Variants in FER observed in about 807,000 individuals in gnomAD.
FER encodes FER tyrosine kinase.
Under a neutral mutation model 111.0 loss-of-function variants are expected in FER, and 63 were observed. That is an observed-to-expected ratio of 0.57 (90% CI 0.46 to 0.70). The LOEUF (loss-of-function observed/expected upper bound fraction) is 0.70. FER is among the 30% of genes least tolerant of loss of function. The probability of loss-of-function intolerance (pLI) is 0.00; values close to 1 mark genes in which losing one functional copy is unlikely to be tolerated. For synonymous variants in FER, 327 were observed against 313.9 expected (o/e 1.04, Z -0.44); for missense variants, 914 against 954.0 (o/e 0.96, Z 0.55).
Position 108,977,997 on chromosome 5 carries a change from C to T in FER, c.1656+18650C>T, listed in dbSNP as rs1294627826. ...AGGTAGCTGGGACCACTGATGCATGCCACCACGATTGGCTAATATTTGTAT... is the reference window on the plus strand; with the variant it reads ...AGGTAGCTGGGACCACTGATGCATGTCACCACGATTGGCTAATATTTGTAT... On this transcript the variant is annotated intron_variant, in intron 13 of 19. Transcript: ENST00000281092. Among the ~76,000 whole-genome samples, 5 of 152,274 alleles carry T rather than the reference C, an allele frequency of 3.3e-5. No homozygotes were observed. The South Asian group carries it at 6.2e-4, about 19-fold the overall frequency.
intron 10 of FER, among the ~76,000 whole-genome samples, chr5:108,928,703 A>C (rs1022194595): frequency 1.3e-5 from 2 of 152,012 alleles, no homozygotes; most frequent in African/African-American, 4.8e-5. Flanking sequence ...AAGCATATAC[A>C]TGCATATATA....
intron 8 of FER, among the ~76,000 whole-genome samples, chr5:108,873,711 A>C (rs1383089209): frequency 3.3e-5 from 5 of 152,160 alleles, no homozygotes; most frequent in Non-Finnish European, 7.3e-5. Context: ...AATGTCAGCC[A>C]TCTCTAAACC....
chr5:109,153,485 T>G (rs573247910), intron 17 of FER, among the ~76,000 whole-genome samples: 1 of 152,066 alleles, frequency 6.6e-6, no homozygotes, highest in South Asian at 2.1e-4. Flanking sequence ...GGTTGTATTT[T>G]CAGTAATAAA....
At chr5:109,126,393 C>T (rs1206461353) in intron 17 of FER, among the ~76,000 whole-genome samples, 2 of 152,178 alleles carry the variant, frequency 1.3e-5, no homozygotes, top group Non-Finnish European at 2.9e-5. Flanking sequence ...TTTACATATT[C>T]ACCTTATCCA....
intron 17 of FER, among the ~76,000 whole-genome samples, chr5:109,177,851 A>G (rs996518525): frequency 6.6e-6 from 1 of 152,206 alleles, no homozygotes; most frequent in Non-Finnish European, 1.5e-5. Context: ...CCTCAGGTGA[A>G]TGACAACACC....
At position 108,992,094 on chromosome 5, in the gene FER, C is replaced by A. The variant is rs568807745; in HGVS notation, c.1656+32747C>A. ...GTGATGACTCTTAACGAGCATGCTG[C>A]CTTCAAGCATCTGTTTAACAAAGCA... On this transcript the variant is annotated intron_variant, in intron 13 of 19. Transcript: ENST00000281092. 3.9e-4 allele frequency among the ~76,000 whole-genome samples: 60 copies of A among 152,042 alleles called. No individual in the cohort carries two copies. In the East Asian group the frequency reaches 0.011, roughly 27 times the overall value.
rs117166711 is a variant in FER at position 109,183,182 on chromosome 5, A to G, written c.2203+2281A>G. Among the ~76,000 whole-genome samples the G allele has an allele frequency of 6.4e-4, 97 of 152,002 alleles. 2 individuals are homozygous for G. The East Asian group carries it at 0.018, about 28-fold the overall frequency. ...TGAAAGACTCTACAAGCCTTCTCCT[A>G]GCAACCCAGAGAAGTTTAGTTCCCA... is the stretch of plus-strand genomic sequence containing the variant. On this transcript the variant is annotated intron_variant, in intron 18 of 19. Coordinates refer to ENST00000281092, the MANE Select transcript of FER (RefSeq NM_005246.4).
chr5:109,011,637 T>G (rs996035241), intron 13 of FER, among the ~76,000 whole-genome samples: 2 of 152,210 alleles, frequency 1.3e-5, no homozygotes, highest in Non-Finnish European at 2.9e-5. Flanking sequence ...TGTTTATGTT[T>G]TTAGCAGGGC....
intron 2 of FER, among the ~76,000 whole-genome samples, chr5:108,797,038 G>T (rs1163536814): frequency 3.9e-5 from 6 of 151,976 alleles, no homozygotes; most frequent in African/African-American, 1.5e-4. Context: ...TACTACCCGG[G>T]TATCACTGCT....
chr5:108,850,219 G>T (rs559398499), intron 5 of FER, among the ~76,000 whole-genome samples: 6 of 151,312 alleles, frequency 4.0e-5, no homozygotes, highest in Non-Finnish European at 8.9e-5. Context: ...CATATTATTA[G>T]TGCCTTTTTT....
chr5:108,947,158 G>T (rs72787102), intron 11 of FER, among the ~76,000 whole-genome samples: 18 of 151,760 alleles, frequency 1.2e-4, no homozygotes, highest in Non-Finnish European at 1.8e-4. Flanking sequence ...ATGAACGTTC[G>T]TTTTCAAGTG....
At chr5:108,812,803 GAT>G (rs1198333397) in intron 3 of FER, among the ~76,000 whole-genome samples, 2 of 151,968 alleles carry the variant, frequency 1.3e-5, no homozygotes, top group African/African-American at 4.8e-5. Context: ...GTATTTCAGT[GAT>G]ATGTAGAACC....
intron 18 of FER, among the ~76,000 whole-genome samples, chr5:109,182,362 T>C (rs1039170998): frequency 6.6e-6 from 1 of 152,196 alleles, no homozygotes; most frequent in African/African-American, 2.4e-5. Flanking sequence ...TTCTTTCTTA[T>C]GAGCTTTCTA....
chr5:109,052,157 G>A, intron 16 of FER: 6 of 1,606,240 alleles, frequency 3.7e-6, no homozygotes, highest in Non-Finnish European at 5.1e-6. Context: ...TCTTCCTTTT[G>A]CATCACATAG....
intron 16 of FER, chr5:109,052,333 T>G: frequency 6.3e-7 from 1 of 1,598,874 alleles, no homozygotes; most frequent in Non-Finnish European, 8.6e-7. Context: ...CCAGGCTGAC[T>G]CAACCACTGT....
chr5:109,048,065 A>G (rs1217044611), intron 16 of FER, among the ~76,000 whole-genome samples: 1 of 152,162 alleles, frequency 6.6e-6, no homozygotes, highest in East Asian at 1.9e-4. Flanking sequence ...ACTTTTAACA[A>G]TTATTTACTC....
In FER at chr5:109,044,815, C is replaced by A; in HGVS notation, c.1829+20C>A. On this transcript the variant is annotated intron_variant, in intron 15 of 19. Coordinates refer to ENST00000281092, the MANE Select transcript of FER (RefSeq NM_005246.4). ...AGCCAAGTGAGTTATTTAAAGTAAT[C>A]AAAATATGTATTTATTATGTAAATT... is the stretch of plus-strand genomic sequence containing the variant. 2.7e-6 allele frequency: 3 copies of A among 1,131,432 alleles called. No individual in the cohort carries two copies. The South Asian group carries it at 4.5e-5, about 17-fold the overall frequency. The allele number at this position is 1,131,432 out of a possible 1,614,324, so 70.1% of individuals were successfully genotyped here.
chr5:108,942,827 C>G (rs1478437701), intron 10 of FER, among the ~76,000 whole-genome samples: 1 of 151,946 alleles, frequency 6.6e-6, no homozygotes, highest in African/African-American at 2.4e-5. Flanking sequence ...CACAAAATCC[C>G]TCTGAATTTT....
At chr5:109,102,402 T>A (rs1200168163) in intron 17 of FER, among the ~76,000 whole-genome samples, 1 of 152,106 alleles carries the variant, frequency 6.6e-6, no homozygotes, top group South Asian at 2.1e-4. Flanking sequence ...CGCCAACTTT[T>A]AGTGAATGGT....
Sources: allele counts gnomAD v4.1 joint callset (sites outside exome capture counted in the v4.1 genomes callset), GRCh38; gene constraint gnomAD v4.1.1; transcripts MANE v1.5; gene names NCBI Gene and HGNC (gene_info 2026-07-23, HGNC 2026-07-21).